Variants in MIA2 observed in about 807,000 individuals in gnomAD.
MIA2 encodes the protein MIA SH3 domain ER export factor 2, also known as melanoma inhibitory activity protein 2.
A neutral mutation model predicts 167.8 loss-of-function variants in MIA2; 127 were observed. The ratio of observed to expected loss-of-function variants is 0.76; its 90% confidence interval spans 0.66 to 0.88. The LOEUF (loss-of-function observed/expected upper bound fraction) is 0.88. MIA2 is among the 40% of genes least tolerant of loss of function. The pLI is 0.00. For synonymous variants in MIA2, 552 were observed against 541.9 expected (o/e 1.02, Z -0.26); for missense variants, 1,690 against 1,624.7 (o/e 1.04, Z -0.69).
chr14:39,268,227 A>T (rs2056380637), intron 6 of MIA2, among the ~76,000 whole-genome samples: 1 of 152,080 alleles, frequency 6.6e-6, no homozygotes, highest in Non-Finnish European at 1.5e-5. Context: ...TAAAAACTGG[A>T]TTAAATCTTT....
intron 4 of MIA2, among the ~76,000 whole-genome samples, chr14:39,249,797 A>G (rs2054478001): frequency 6.6e-6 from 1 of 152,218 alleles, no homozygotes; most frequent in African/African-American, 2.4e-5. Flanking sequence ...AACAAACCCT[A>G]GAATGACAGA....
At chr14:39,339,259 G>A (rs2071222453) in intron 25 of MIA2, among the ~76,000 whole-genome samples, 1 of 152,162 alleles carries the variant, frequency 6.6e-6, no homozygotes, top group Non-Finnish European at 1.5e-5. Context: ...CCCGCGGAAA[G>A]GTACTGGCCC....
In MIA2 at chr14:39,350,139, C is replaced by A; in HGVS notation, c.4114C>A (p.Pro1372Thr). Residue 1372 changes from proline (P) to threonine (T), a missense_variant, in exon 29 of 29, where the codon CCC (proline) becomes ACC (threonine). Pro to Thr is a conservative substitution (Grantham distance 38). Coordinates refer to ENST00000640607, the MANE Select transcript of MIA2 (RefSeq NM_001329214.4). ...ACCGAGGGGTTTTCCTCCTTACCTT[C>A]CCCCAAGACCTGGATTTTTCCCCCC... ...YPPRGFPPYLPPRPGFFPPPP... is the reference protein window; with the variant it reads ...YPPRGFPPYLTPRPGFFPPPP... 2 of 1,369,258 alleles carry A rather than the reference C, an allele frequency of 1.5e-6. No individual in the cohort carries two copies. Among genetic ancestry groups the A allele is most frequent in the Non-Finnish European group, 2.0e-6 (2 of 1,001,226 alleles). 84.8% of individuals were successfully genotyped at this position (1,369,258 alleles called of 1,614,324 possible).
intron 9 of MIA2, among the ~76,000 whole-genome samples, chr14:39,286,488 G>T (rs1193720818): frequency 6.6e-6 from 1 of 152,060 alleles, no homozygotes; most frequent in Non-Finnish European, 1.5e-5. Flanking sequence ...TTCGTTTTTG[G>T]CTAGGTCGTT....
At chr14:39,290,433 G>A (rs915113037) in intron 9 of MIA2, among the ~76,000 whole-genome samples, 1 of 152,030 alleles carries the variant, frequency 6.6e-6, no homozygotes, top group African/African-American at 2.4e-5. Flanking sequence ...AATAATTGAA[G>A]TGCATTTTGC....
intron 25 of MIA2, among the ~76,000 whole-genome samples, chr14:39,331,987 A>G (rs2068997994): frequency 2.6e-5 from 4 of 152,080 alleles, no homozygotes; most frequent in Admixed American, 6.5e-5. Context: ...ATGTTGGCCT[A>G]TCTTGCTAGG....
chr14:39,280,962 G>C (rs1198598245), intron 9 of MIA2, among the ~76,000 whole-genome samples: 1 of 110,978 alleles, frequency 9.0e-6, no homozygotes, highest in African/African-American at 3.4e-5. Flanking sequence ...TCTCTCTCTT[G>C]TCTAGGCTGC....
chr14:39,272,646 T>C (rs2057353154), intron 6 of MIA2, among the ~76,000 whole-genome samples: 2 of 152,236 alleles, frequency 1.3e-5, no homozygotes, highest in African/African-American at 4.8e-5. Context: ...GTGCCTGTAG[T>C]CCTGCTGCTT....
At position 39,247,753 on chromosome 14, in the gene MIA2, T is replaced by C. The variant is rs1449864154; in HGVS notation, c.1179T>C (p.Asp393=). 6.2e-7 allele frequency: 1 copy of C among 1,613,400 alleles called. No individual in the cohort carries two copies. The highest frequency in any genetic ancestry group is 1.3e-5 in the African/African-American group (1 of 74,884). Reference sequence around the variant, plus strand: ...TAGGCTTTGCATATGCCAAGGAAGATAAAATTATGTTAGATGACAGGAAAA... The same window carrying C: ...TAGGCTTTGCATATGCCAAGGAAGACAAAATTATGTTAGATGACAGGAAAA... The part of the protein sequence containing the change: ...AILGFAYAKE[D]KIMLDDRKNE... Residue 393 remains aspartate (D), a synonymous_variant, in exon 4 of 29, where the codon GAT becomes GAC. Transcript: ENST00000640607.
chr14:39,332,927 C>T lies in MIA2; in HGVS notation c.3655+5905C>T, dbSNP rs368984025. ...TATCTTCAGGTTTACTGACTCTTTC[C>T]TTGTCATCTCCATTCTGTTATTAAG... is the stretch of plus-strand genomic sequence containing the variant. On this transcript the variant is annotated intron_variant, in intron 25 of 28. Transcript: ENST00000640607. Among the ~76,000 whole-genome samples, 22 of 152,140 alleles carry T rather than the reference C, an allele frequency of 1.4e-4. No individual in the cohort carries two copies. The East Asian group carries it at 1.9e-3, about 13-fold the overall frequency.
intron 25 of MIA2, among the ~76,000 whole-genome samples, chr14:39,338,855 T>TA (rs1331860809): frequency 6.6e-6 from 1 of 152,224 alleles, no homozygotes; most frequent in Non-Finnish European, 1.5e-5. Flanking sequence ...GTGATTCTCA[T>TA]AAAAACTTTC....
At position 39,247,345 on chromosome 14, in the gene MIA2, A is replaced by C; in HGVS notation, c.771A>C (p.Ala257=). ...GCTCATTTCGGAGTAGAAAAATAGC[A>C]GTGGAAGATGAGAATGACCTAGAGG... is the stretch of plus-strand genomic sequence containing the variant. ...QESSFRSRKI[A]VEDENDLEEL... is the part of the protein sequence containing the mutation. Residue 257 remains alanine (A), a synonymous_variant, in exon 4 of 29, where the codon GCA becomes GCC. Transcript: ENST00000640607. 6.2e-7 allele frequency: 1 copy of C among 1,614,132 alleles called. No homozygotes were observed. The highest frequency in any genetic ancestry group is 8.5e-7 in the Non-Finnish European group (1 of 1,180,018).
rs547497728 is a variant in MIA2, at chr14:39,312,475, G to T, written c.3018-865G>T. Among the ~76,000 whole-genome samples, 21 of 152,330 alleles carry T rather than the reference G, an allele frequency of 1.4e-4. 1 individual carries two copies. In the East Asian group the frequency reaches 3.1e-3, roughly 22 times the overall value. ...TACTGCAAGACTTCTTCAGTAGTTT[G>T]TCTTGTTCTTCTCAAAGTTCATGAA... On this transcript the variant is annotated intron_variant, in intron 18 of 28. Coordinates refer to ENST00000640607, the MANE Select transcript of MIA2 (RefSeq NM_001329214.4).
chr14:39,285,697 C>T lies in MIA2; in HGVS notation c.2131-5322C>T, dbSNP rs572666595. Among the ~76,000 whole-genome samples the T allele has an allele frequency of 7.9e-4, 119 of 151,530 alleles. 1 individual carries two copies. Among genetic ancestry groups the T allele is most frequent in the African/African-American group, 2.3e-3 (95 of 41,254 alleles). On this transcript the variant is annotated intron_variant, in intron 9 of 28. Transcript: ENST00000640607. Reference sequence around the variant, plus strand: ...CCTCCCTCCCGGTCGGGGTGGCTGCCGGGCGGAGACGCTCCTCACTTCCCA... The same window carrying T: ...CCTCCCTCCCGGTCGGGGTGGCTGCTGGGCGGAGACGCTCCTCACTTCCCA...
rs1950952 is a variant in MIA2, at chr14:39,308,472, G to C, written c.2902G>C (p.Glu968Gln). Residue 968 changes from glutamate (E) to glutamine (Q), a missense_variant, in exon 18 of 29, where the codon GAA becomes CAA. Physicochemically the swap from Glu to Gln is conservative, Grantham distance 29. Transcript: ENST00000640607. ...AGAGCATATTAAAAATCTTCAGACT[G>C]AACAAGCATCTTTGCAGTCAGAAAA... ...LTEHIKNLQT[E>Q]QASLQSENTH... The C allele has an allele frequency of 0.63, 967,316 of 1,525,394 alleles. 311,072 individuals carry two copies. The highest frequency in any genetic ancestry group is 0.67 in the South Asian group (54,438 of 81,614). The allele number at this position is 1,525,394 out of a possible 1,614,324, so 94.5% of individuals were successfully genotyped here.
At chr14:39,319,422 T>A (rs2066028366) in intron 23 of MIA2, 131 bp downstream of exon 23, 1 of 415,794 alleles carries the variant, frequency 2.4e-6, no homozygotes, top group Non-Finnish European at 4.0e-6. Flanking sequence ...AGAACCAAGG[T>A]TCTAGACTAA....
chr14:39,286,358 T>C (rs1595064768), intron 9 of MIA2, among the ~76,000 whole-genome samples: 4 of 151,744 alleles, frequency 2.6e-5, no homozygotes, highest in Admixed American at 2.6e-4. Flanking sequence ...GGCAGGAGAA[T>C]CAGGCAGGGA....
At chr14:39,314,672 A>G in intron 19 of MIA2, 67 bp from the exon 20 acceptor site, 1 of 687,890 alleles carries the variant, frequency 1.5e-6, no homozygotes, top group Non-Finnish European at 2.0e-6. Context: ...ATATTTTTTT[A>G]GTAGAGAGTA....
intron 24 of MIA2, among the ~76,000 whole-genome samples, chr14:39,324,813 G>T (rs1340674391): frequency 6.6e-6 from 1 of 152,042 alleles, no homozygotes; most frequent in Non-Finnish European, 1.5e-5. Flanking sequence ...CACCATGTTG[G>T]CCAGGCTGGT....
Sources: gnomAD v4.1 joint callset for allele counts (sites outside exome capture counted in the v4.1 genomes callset) on GRCh38, gnomAD v4.1.1 for gene constraint, MANE v1.5 for transcripts, NCBI Gene and HGNC (gene_info 2026-07-23, HGNC 2026-07-21) for gene names.